The following OR1B1 variants were observed in gnomAD, a reference collection of about 807,000 sequenced individuals.
OR1B1 encodes olfactory receptor family 1 subfamily B member 1, also known as olfactory receptor 1B1.
For missense variants in OR1B1, 414 were observed against 402.1 expected, an observed-to-expected ratio of 1.03 and a Z score of -0.25; for synonymous variants, 168 against 156.2, an observed-to-expected ratio of 1.08 and a Z score of -0.57.
At chr9:122,641,093 TG>T in the OR1B1 span, among the ~76,000 whole-genome samples, 1 of 152,192 alleles carries the variant, frequency 6.6e-6, no homozygotes, top group Non-Finnish European at 1.5e-5. Flanking sequence ...AATGAGGTCA[TG>T]AAAATATTCC....
exon 1 of OR1B1, chr9:122,629,522 G>A (rs1564219255): frequency 1.2e-6 from 2 of 1,602,082 alleles, no homozygotes; most frequent in Admixed American, 3.4e-5. Context: ...AGCATTAGGG[G>A]CAAAGCTCAT....
chr9:122,650,809 G>C, the OR1B1 span, among the ~76,000 whole-genome samples: 1 of 152,044 alleles, frequency 6.6e-6, no homozygotes, highest in East Asian at 1.9e-4. Flanking sequence ...GGATCACGAG[G>C]TCAGGAGATC....
upstream of OR1B1, among the ~76,000 whole-genome samples, chr9:122,630,139 C>A (rs935485415): frequency 6.6e-6 from 1 of 152,116 alleles, no homozygotes; most frequent in Admixed American, 6.5e-5. Context: ...AGCAATTAGA[C>A]CAATGAAAGA....
At chr9:122,635,678 T>C in the OR1B1 span, among the ~76,000 whole-genome samples, 1 of 152,156 alleles carries the variant, frequency 6.6e-6, no homozygotes. Flanking sequence ...ATTAAGTATA[T>C]GAGAAAATAG....
At chr9:122,630,295 CTCTT>C (rs1830191746), upstream of OR1B1, among the ~76,000 whole-genome samples, 1 of 152,186 alleles carries the variant, frequency 6.6e-6, no homozygotes, top group Admixed American at 6.5e-5. Flanking sequence ...CTTTTTCTTT[CTCTT>C]TATTCCCTGT....
the OR1B1 span, among the ~76,000 whole-genome samples, chr9:122,645,178 A>T: frequency 2.0e-5 from 3 of 152,208 alleles, no homozygotes; most frequent in South Asian, 4.1e-4. Context: ...TTAATAGCAG[A>T]ACTGATCAAG....
chr9:122,644,785 T>G, the OR1B1 span, among the ~76,000 whole-genome samples: 1 of 152,224 alleles, frequency 6.6e-6, no homozygotes, highest in Admixed American at 6.5e-5. Flanking sequence ...GCCTTAGGGC[T>G]CAGGTCCCTT....
At chr9:122,646,304 A>T in the OR1B1 span, among the ~76,000 whole-genome samples, 380 of 152,250 alleles carry the variant, frequency 2.5e-3, 3 homozygotes, top group Middle Eastern at 0.01. Flanking sequence ...ACCACAGAAC[A>T]GCCAGAAAAC....
the OR1B1 span, among the ~76,000 whole-genome samples, chr9:122,649,178 T>C: frequency 1.7e-4 from 26 of 152,154 alleles, no homozygotes; most frequent in African/African-American, 6.0e-4. Flanking sequence ...ATAAATGGTG[T>C]TGGGAAAACT....
chr9:122,641,413 C>T, the OR1B1 span, among the ~76,000 whole-genome samples: 1 of 151,930 alleles, frequency 6.6e-6, no homozygotes, highest in East Asian at 1.9e-4. Context: ...TTGAAAGTCA[C>T]GGCAAGGGTT....
upstream of OR1B1, among the ~76,000 whole-genome samples, chr9:122,632,754 A>G (rs1830215195): frequency 2.0e-5 from 3 of 152,188 alleles, no homozygotes; most frequent in South Asian, 6.2e-4. Context: ...AGACAGTACA[A>G]AGTGACCCAG....
chr9:122,634,020 T>C (rs184365640), upstream of OR1B1, among the ~76,000 whole-genome samples: 144 of 151,448 alleles, frequency 9.5e-4, no homozygotes, highest in African/African-American at 3.4e-3. Context: ...CTGACCAACA[T>C]GGAGAAACCT....
the OR1B1 span, among the ~76,000 whole-genome samples, chr9:122,642,703 T>G: frequency 1.3e-5 from 2 of 152,148 alleles, no homozygotes; most frequent in Non-Finnish European, 2.9e-5. Flanking sequence ...GACAAACACT[T>G]GTGTATCATT....
At chr9:122,641,232 G>C in the OR1B1 span, among the ~76,000 whole-genome samples, 1 of 152,304 alleles carries the variant, frequency 6.6e-6, no homozygotes, top group African/African-American at 2.4e-5. Context: ...GTGACATAAT[G>C]TGTGTGTGCA....
At chr9:122,653,057 A>G in the OR1B1 span, among the ~76,000 whole-genome samples, 1 of 152,220 alleles carries the variant, frequency 6.6e-6, no homozygotes, top group African/African-American at 2.4e-5. Flanking sequence ...AGGACTTGGC[A>G]TCAGCCCAAG....
At chr9:122,640,246 T>C in the OR1B1 span, among the ~76,000 whole-genome samples, 2 of 152,084 alleles carry the variant, frequency 1.3e-5, no homozygotes, top group Admixed American at 6.6e-5. Context: ...ATTAATTTTA[T>C]CCTCCTCCCT....
chr9:122,638,584 C>T, the OR1B1 span, among the ~76,000 whole-genome samples: 3 of 152,158 alleles, frequency 2.0e-5, no homozygotes, highest in Admixed American at 6.5e-5. Flanking sequence ...AATATCTATC[C>T]GAGAACTAAG....
the OR1B1 span, among the ~76,000 whole-genome samples, chr9:122,652,975 G>T: frequency 6.6e-6 from 1 of 152,088 alleles, no homozygotes; most frequent in South Asian, 2.1e-4. Flanking sequence ...CCACAATGTG[G>T]GATCCACCTG....
the OR1B1 span, among the ~76,000 whole-genome samples, chr9:122,655,956 G>T: frequency 6.6e-6 from 1 of 152,180 alleles, no homozygotes; most frequent in Non-Finnish European, 1.5e-5. Flanking sequence ...TCAAGAACAT[G>T]CATTGAATCC....
Sources: allele counts gnomAD v4.1 joint callset (sites outside exome capture counted in the v4.1 genomes callset), GRCh38; gene constraint gnomAD v4.1.1; transcripts MANE v1.5; gene names NCBI Gene and HGNC (gene_info 2026-07-23, HGNC 2026-07-21).